The following CBR4 variants were observed in gnomAD, a reference collection of about 807,000 sequenced individuals.
The protein encoded by CBR4 is carbonyl reductase 4.
In CBR4, 22 loss-of-function variants were observed where a neutral mutation model predicts 21.0. That is an observed-to-expected ratio of 1.05 (90% CI 0.75 to 1.50). The LOEUF is 1.50. Among genes scored for constraint, CBR4 ranks in the 40% most tolerant of loss-of-function variants. The probability of loss-of-function intolerance (pLI) is 0.00; values close to 1 mark genes in which losing one functional copy is unlikely to be tolerated. For missense variants in CBR4, 302 were observed against 286.3 expected (o/e 1.05, Z -0.40); for synonymous variants, 100 against 104.4 (o/e 0.96, Z 0.26).
chr4:168,934,661 G>C (rs1763060082), intron 2 of CBR4, among the ~76,000 whole-genome samples: 1 of 151,832 alleles, frequency 6.6e-6, no homozygotes, highest in Admixed American at 6.6e-5. Context: ...TCAATAAAAA[G>C]TAATGATAAT....
rs1385898569 is a variant in CBR4 at position 168,898,545 on chromosome 4, G to A, written n.170-3780C>T. 15 of 1,614,012 alleles carry A rather than the reference G, an allele frequency of 9.3e-6. No individual in the cohort carries two copies. Among genetic ancestry groups the A allele is most frequent in the Admixed American group, 3.3e-5 (2 of 60,026 alleles). On this transcript the variant is annotated intron_variant and non_coding_transcript_variant, in intron 2 of 3. Transcript: ENST00000509108. ...AGACTCATCAGTGAAATAGAGTACA[G>A]GCTAGAAAGGTCTCCTGTGGATGAA...
At chr4:168,983,594 GAC>G (rs1764603627), downstream of CBR4, among the ~76,000 whole-genome samples, 1 of 151,766 alleles carries the variant, frequency 6.6e-6, no homozygotes, top group Admixed American at 6.6e-5. Flanking sequence ...ACCTGGCACA[GAC>G]ATAATGAAAA....
intron 1 of CBR4, 101 bp from the exon 2 acceptor site, chr4:169,007,857 A>G: frequency 1.3e-6 from 1 of 755,928 alleles, no homozygotes; most frequent in Non-Finnish European, 2.0e-6. Context: ...GCCTGTGCTA[A>G]TCTAGAACCT....
chr4:168,984,373 A>T (rs985741143), downstream of CBR4, among the ~76,000 whole-genome samples: 2 of 152,184 alleles, frequency 1.3e-5, no homozygotes, highest in African/African-American at 4.8e-5. Flanking sequence ...CTACAATGAG[A>T]ATTATAACAC....
rs1432271774 is a variant in CBR4, at chr4:168,987,866, T to C, written c.*2284A>G. 5 of 980,562 alleles carry C rather than the reference T, an allele frequency of 5.1e-6. No homozygotes were observed. Among genetic ancestry groups the C allele is most frequent in the Admixed American group, 6.2e-5 (1 of 16,234 alleles). The allele number at this position is 980,562 out of a possible 1,614,324, so 60.7% of individuals were successfully genotyped here. A position where few individuals can be genotyped will look rare whatever the true frequency, so the allele number is the denominator to read the frequency against. ...CTAAAAAGCAGTTACAAACCATAAA[T>C]TGAATATGAATAAAATATGAAAAAG... On this transcript the variant is annotated 3_prime_UTR_variant, in exon 5 of 5. Transcript: ENST00000306193.
intron 2 of CBR4, among the ~76,000 whole-genome samples, chr4:168,908,376 G>A (rs1018297226): frequency 6.6e-6 from 1 of 151,968 alleles, no homozygotes; most frequent in East Asian, 1.9e-4. Context: ...TGCCATTCTG[G>A]AAATGTTTAA....
intron 2 of CBR4, among the ~76,000 whole-genome samples, chr4:168,896,029 G>A (rs982996479): frequency 2.6e-5 from 4 of 152,270 alleles, no homozygotes; most frequent in African/African-American, 9.6e-5. Context: ...GACCAACATG[G>A]TGAAACCCCG....
chr4:168,989,809 T>C lies in CBR4; in HGVS notation c.*341A>G. ...CCAAAGGTAAGTGATACACATCCTT[T>C]AGAAAACACAATTTGTCTGGGGGGA... On this transcript the variant is annotated 3_prime_UTR_variant, in exon 5 of 5. Transcript: ENST00000306193. 1.0e-6 allele frequency: 1 copy of C among 1,004,464 alleles called. No homozygotes were observed. Among genetic ancestry groups the C allele is most frequent in the Non-Finnish European group, 1.2e-6 (1 of 842,820 alleles). The allele number at this position is 1,004,464 out of a possible 1,614,324, so 62.2% of individuals were successfully genotyped here.
chr4:169,005,803 T>C, intron 3 of CBR4: 1 of 1,011,774 alleles, frequency 9.9e-7, no homozygotes, highest in Non-Finnish European at 1.4e-6. Context: ...TATTCTTTCC[T>C]TTTCTCACTT....
intron 2 of CBR4, among the ~76,000 whole-genome samples, chr4:168,976,999 C>T (rs1322275956): frequency 6.6e-6 from 1 of 152,230 alleles, no homozygotes; most frequent in African/African-American, 2.4e-5. Flanking sequence ...TCCCCCCTCA[C>T]ACTTTGGGAA....
intron 2 of CBR4, among the ~76,000 whole-genome samples, chr4:168,939,602 A>C (rs1426474977): frequency 6.6e-6 from 1 of 152,242 alleles, no homozygotes; most frequent in Non-Finnish European, 1.5e-5. Flanking sequence ...GCAAAGTCTC[A>C]GGATACAAAA....
At chr4:168,926,609 A>T in intron 2 of CBR4, 1 of 449,020 alleles carries the variant, frequency 2.2e-6, no homozygotes, top group Non-Finnish European at 4.0e-6. Flanking sequence ...TTACTGTCCA[A>T]TTTAAAACTT....
intron 2 of CBR4, among the ~76,000 whole-genome samples, chr4:168,932,321 C>T: frequency 6.7e-6 from 1 of 149,346 alleles, no homozygotes; most frequent in Admixed American, 6.7e-5. Flanking sequence ...AGAGCTTCAA[C>T]AACAGATTAG....
In CBR4 at chr4:168,990,446, T is replaced by A. The variant is rs554845677; in HGVS notation, c.536-118A>T. ...TAATTTGAAATTATTTAAAAAAAAA[T>A]TTTTTTTTGAGACAGGGTCTCACTC... On this transcript the variant is annotated intron_variant, in intron 4 of 4. Transcript: ENST00000306193. 3.0e-4 allele frequency: 303 copies of A among 1,025,326 alleles called. 3 individuals are homozygous for A. The South Asian group carries it at 5.0e-3, about 17-fold the overall frequency. 63.5% of individuals were successfully genotyped at this position (1,025,326 alleles called of 1,614,324 possible).
chr4:168,942,752 T>C (rs1373552245), intron 2 of CBR4, among the ~76,000 whole-genome samples: 1 of 152,048 alleles, frequency 6.6e-6, no homozygotes, highest in Non-Finnish European at 1.5e-5. Flanking sequence ...ATCCAGAATA[T>C]GCAAAGAATT....
rs767227593 is a variant in CBR4 at position 169,007,730 on chromosome 4, C to A, written c.169G>T (p.Val57Phe). Residue 57 changes from valine (V) to phenylalanine (F), a missense_variant, in exon 2 of 5, where the codon GTT becomes TTT. Coordinates refer to ENST00000306193, the MANE Select transcript of CBR4 (RefSeq NM_032783.5). ...TTTTGAACATCATGTTCTTTAGCAA[C>A]ATCACAGCTAAATGCCAAATGATCT... ...GGDHLAFSCD[V>F]AKEHDVQNTF... 108 of 1,586,418 alleles carry A rather than the reference C, an allele frequency of 6.8e-5. No individual in the cohort carries two copies. The highest frequency in any genetic ancestry group is 8.9e-5 in the Non-Finnish European group (104 of 1,169,062).
At chr4:169,005,072 T>A (rs960893424) in intron 3 of CBR4, among the ~76,000 whole-genome samples, 1 of 152,122 alleles carries the variant, frequency 6.6e-6, no homozygotes, top group African/African-American at 2.4e-5. Context: ...ATTAGAATAT[T>A]TATCTACATT....
At chr4:168,908,400 T>C (rs1412465279) in intron 2 of CBR4, among the ~76,000 whole-genome samples, 2 of 152,200 alleles carry the variant, frequency 1.3e-5, no homozygotes, top group Non-Finnish European at 2.9e-5. Context: ...TCTTAGAATC[T>C]CAGCTTTACA....
chr4:168,925,007 CTGGG>C (rs1223332936), intron 2 of CBR4: 1 of 1,614,058 alleles, frequency 6.2e-7, no homozygotes, highest in South Asian at 1.1e-5. Context: ...AAAGAAGATG[CTGGG>C]TGGTATACTG....
Sources: allele counts gnomAD v4.1 joint callset (sites outside exome capture counted in the v4.1 genomes callset), GRCh38; gene constraint gnomAD v4.1.1; transcripts MANE v1.5; gene names NCBI Gene and HGNC (gene_info 2026-07-23, HGNC 2026-07-21).